The following GRID2 variants were observed in gnomAD, a reference collection of about 807,000 sequenced individuals.
GRID2 encodes glutamate ionotropic receptor delta type subunit 2.
GRID2 carries 33 observed loss-of-function variants against 114.8 expected under a neutral mutation model. The ratio of observed to expected loss-of-function variants is 0.29; its 90% CI spans 0.22 to 0.38. The LOEUF (loss-of-function observed/expected upper bound fraction) is 0.38. GRID2 is among the 10% of genes least tolerant of loss of function. GRID2 has a pLI of 1.00. For missense variants in GRID2, 1,184 were observed against 1,257.7 expected (o/e 0.94, Z 0.89); for synonymous variants, 505 against 449.9 (o/e 1.12, Z -1.55).
chr4:93,215,837 A>C (rs1439392119), intron 5 of GRID2, among the ~76,000 whole-genome samples: 1 of 152,056 alleles, frequency 6.6e-6, no homozygotes, highest in Non-Finnish European at 1.5e-5. Context: ...GCTCACTGCA[A>C]CCCAAAACTT....
intron 1 of GRID2, among the ~76,000 whole-genome samples, chr4:92,308,894 G>A (rs1579155616): frequency 6.6e-6 from 1 of 151,992 alleles, no homozygotes; most frequent in Non-Finnish European, 1.5e-5. Context: ...TGATAACTGT[G>A]TAAACGTCTA....
intron 14 of GRID2, among the ~76,000 whole-genome samples, chr4:93,689,677 G>A (rs1726376859): frequency 6.6e-6 from 1 of 151,908 alleles, no homozygotes; most frequent in South Asian, 2.1e-4. Context: ...GTAACAAAAA[G>A]GGCACTTTAC....
At chr4:92,785,232 T>A (rs958167030) in intron 2 of GRID2, among the ~76,000 whole-genome samples, 2 of 151,496 alleles carry the variant, frequency 1.3e-5, no homozygotes, top group Admixed American at 6.6e-5. Flanking sequence ...ATGAAGCTAT[T>A]TCTATAAAAC....
At chr4:93,183,310 A>C (rs2149437999) in intron 4 of GRID2, among the ~76,000 whole-genome samples, 1 of 152,310 alleles carries the variant, frequency 6.6e-6, no homozygotes, top group Admixed American at 6.5e-5. Context: ...AAGCTTATTA[A>C]ATTGAAGATA....
intron 13 of GRID2, among the ~76,000 whole-genome samples, chr4:93,589,157 C>T (rs948312891): frequency 7.9e-5 from 12 of 151,120 alleles, no homozygotes; most frequent in African/African-American, 2.4e-4. Flanking sequence ...CGCACTAACT[C>T]GTCATCTAGC....
At chr4:92,991,776 C>T (rs182489419) in intron 2 of GRID2, among the ~76,000 whole-genome samples, 403 of 152,164 alleles carry the variant, frequency 2.6e-3, no homozygotes, top group Middle Eastern at 0.014. Flanking sequence ...GCTGCACCTG[C>T]GAGTAATTTA....
At chr4:92,482,681 C>T (rs1183624747) in intron 1 of GRID2, among the ~76,000 whole-genome samples, 2 of 152,100 alleles carry the variant, frequency 1.3e-5, no homozygotes, top group Non-Finnish European at 2.9e-5. Context: ...AATCATATCA[C>T]AGGGCAGATT....
At position 92,866,692 on chromosome 4, in the gene GRID2, C is replaced by T. The variant is rs556855448; in HGVS notation, c.245-218303C>T. On this transcript the variant is annotated intron_variant, in intron 2 of 15. Transcript: ENST00000282020. ...CCGAGTAGCTGGGACTACAGGCACC[C>T]GCCACCATGCCCGGCTAATTTTTTT... 2.9e-4 allele frequency among the ~76,000 whole-genome samples: 44 copies of T among 151,956 alleles called. No individual in the cohort carries two copies. The East Asian group carries it at 8.0e-3, about 28-fold the overall frequency.
intron 2 of GRID2, among the ~76,000 whole-genome samples, chr4:92,977,206 AG>A: frequency 6.6e-6 from 1 of 152,296 alleles, no homozygotes; most frequent in East Asian, 1.9e-4. Flanking sequence ...ATTTGTAAAA[AG>A]TGCGATTAAC....
intron 1 of GRID2, among the ~76,000 whole-genome samples, chr4:92,515,811 G>C (rs1378650340): frequency 6.6e-6 from 1 of 151,834 alleles, no homozygotes; most frequent in Non-Finnish European, 1.5e-5. Context: ...TTGTTCTTTT[G>C]TTTGTCGATG....
intron 1 of GRID2, among the ~76,000 whole-genome samples, chr4:92,326,304 A>T (rs1008567326): frequency 6.6e-6 from 1 of 151,924 alleles, no homozygotes; most frequent in Admixed American, 6.6e-5. Context: ...CACAATACTA[A>T]TTTAAAGGCA....
intron 2 of GRID2, among the ~76,000 whole-genome samples, chr4:93,025,608 A>G (rs1278410704): frequency 2.0e-5 from 3 of 151,746 alleles, no homozygotes; most frequent in Non-Finnish European, 3.0e-5. Flanking sequence ...TGTAACATTT[A>G]CCTATAATAA....
At chr4:92,307,578 C>T (rs1420553482) in intron 1 of GRID2, among the ~76,000 whole-genome samples, 1 of 152,114 alleles carries the variant, frequency 6.6e-6, no homozygotes, top group Non-Finnish European at 1.5e-5. Context: ...GTCAATTACA[C>T]ATTTTAAACT....
intron 1 of GRID2, among the ~76,000 whole-genome samples, chr4:92,355,080 C>T (rs1347052946): frequency 2.6e-5 from 4 of 151,914 alleles, no homozygotes; most frequent in Non-Finnish European, 4.4e-5. Flanking sequence ...CTAGCTCAAG[C>T]TGCCTTTTCT....
intron 2 of GRID2, among the ~76,000 whole-genome samples, chr4:93,010,718 T>A (rs112558169): frequency 0.014 from 2,110 of 152,306 alleles, 17 homozygotes; most frequent in Admixed American, 0.016. Flanking sequence ...GGATTTTTTT[T>A]AAAATATCCT....
intron 1 of GRID2, among the ~76,000 whole-genome samples, chr4:92,429,035 C>T (rs1021808152): frequency 2.0e-5 from 3 of 152,062 alleles, no homozygotes; most frequent in African/African-American, 7.2e-5. Context: ...CCCGACAGGC[C>T]CCAGTGTGTG....
intron 1 of GRID2, among the ~76,000 whole-genome samples, chr4:92,586,356 AC>A (rs1728442432): frequency 3.4e-5 from 1 of 29,038 alleles, no homozygotes; most frequent in Non-Finnish European, 6.7e-5. Flanking sequence ...CAAAAAATCT[AC>A]ACACACACAC....
intron 8 of GRID2, among the ~76,000 whole-genome samples, chr4:93,261,360 C>T (rs1316320804): frequency 6.6e-6 from 1 of 151,860 alleles, no homozygotes; most frequent in African/African-American, 2.4e-5. Context: ...AAGTGGCTTA[C>T]AGCCTCTTTG....
At chr4:93,340,477 G>A (rs1049997109) in intron 8 of GRID2, among the ~76,000 whole-genome samples, 10 of 151,926 alleles carry the variant, frequency 6.6e-5, no homozygotes, top group African/African-American at 2.4e-4. Flanking sequence ...ATATATACTT[G>A]AATCTCTCTG....
Sources: gnomAD v4.1 joint callset for allele counts (sites outside exome capture counted in the v4.1 genomes callset) on GRCh38, gnomAD v4.1.1 for gene constraint, MANE v1.5 for transcripts, NCBI Gene and HGNC (gene_info 2026-07-23, HGNC 2026-07-21) for gene names.